STX8: variants seen among roughly 807,000 people sequenced by gnomAD.
The protein encoded by STX8 is syntaxin 8.
STX8 carries 23 observed loss-of-function variants against 37.5 expected under a neutral mutation model. That is an observed-to-expected ratio of 0.61 (90% CI 0.44 to 0.87). STX8 has a LOEUF of 0.87. Among genes scored for constraint, STX8 ranks in the 40% least tolerant of loss-of-function variants. The pLI is 0.00. For synonymous variants in STX8, 115 were observed against 99.1 expected (o/e 1.16, Z -0.95); for missense variants, 313 against 284.7 (o/e 1.10, Z -0.71).
chr17:9,445,290 C>T (rs921853287), intron 6 of STX8, among the ~76,000 whole-genome samples: 2 of 151,752 alleles, frequency 1.3e-5, no homozygotes, highest in African/African-American at 4.8e-5. Context: ...GACCAAGGAA[C>T]ATTTCTTTTT....
chr17:9,437,899 A>T (rs1396608864), intron 6 of STX8: 2 of 152,322 alleles, frequency 1.3e-5, no homozygotes, highest in African/African-American at 2.4e-5. Context: ...TAAGGTAAAA[A>T]GCAGAGCTGG....
chr17:9,412,117 CACAAAT>C (rs1913001830), intron 6 of STX8, among the ~76,000 whole-genome samples: 1 of 152,048 alleles, frequency 6.6e-6, no homozygotes, highest in South Asian at 2.1e-4. Flanking sequence ...TTAAAAAATA[CACAAAT>C]ACATAGTCCA....
chr17:9,481,445 G>C (rs1290158516), intron 6 of STX8, among the ~76,000 whole-genome samples: 1 of 152,114 alleles, frequency 6.6e-6, no homozygotes, highest in African/African-American at 2.4e-5. Flanking sequence ...TAGGGGTGTA[G>C]CATCAGACAA....
chr17:9,269,301 A>G (rs1279037240), intron 7 of STX8, among the ~76,000 whole-genome samples: 2 of 152,162 alleles, frequency 1.3e-5, no homozygotes, highest in Non-Finnish European at 2.9e-5. Context: ...TGATTGGGGT[A>G]CACGTCCTTC....
intron 7 of STX8, among the ~76,000 whole-genome samples, chr17:9,273,633 ACTGT>A (rs1181745612): frequency 5.9e-5 from 9 of 152,246 alleles, no homozygotes; most frequent in African/African-American, 1.9e-4. Flanking sequence ...GCAGGTTAAC[ACTGT>A]CTGACTTTGT....
chr17:9,461,677 G>A (rs183888116), intron 6 of STX8, among the ~76,000 whole-genome samples: 1 of 152,158 alleles, frequency 6.6e-6, no homozygotes, highest in Admixed American at 6.5e-5. Flanking sequence ...ATTTTTACAT[G>A]GACTAGTGGG....
At chr17:9,409,776 A>T (rs1456767589) in intron 6 of STX8, among the ~76,000 whole-genome samples, 1 of 151,072 alleles carries the variant, frequency 6.6e-6, no homozygotes, top group African/African-American at 2.4e-5. Context: ...TAGATCCCTA[A>T]TTGGAAGCAC....
intron 7 of STX8, among the ~76,000 whole-genome samples, chr17:9,320,366 A>G (rs1449146719): frequency 6.6e-6 from 1 of 151,928 alleles, no homozygotes; most frequent in African/African-American, 2.4e-5. Context: ...AAAAGCTAGC[A>G]AATTAAAACA....
intron 6 of STX8, among the ~76,000 whole-genome samples, chr17:9,479,470 G>A (rs1412608814): frequency 2.0e-5 from 3 of 151,558 alleles, no homozygotes; most frequent in African/African-American, 4.8e-5. Flanking sequence ...GGAAGCAGAG[G>A]TTGCAGTGAG....
At chr17:9,548,556 C>T (rs1906639854) in intron 3 of STX8, 1 of 152,168 alleles carries the variant, frequency 6.6e-6, no homozygotes, top group African/African-American at 2.4e-5. Context: ...AGGATGTCCA[C>T]TGAACCATTA....
intron 7 of STX8, 37 bp from the exon 8 acceptor site, chr17:9,250,682 T>C (rs747968610): frequency 6.5e-6 from 10 of 1,549,096 alleles, no homozygotes; most frequent in Non-Finnish European, 7.9e-6. Flanking sequence ...CTTTTAATGA[T>C]TCCTACCAGA....
At chr17:9,468,126 T>G (rs930221766) in intron 6 of STX8, among the ~76,000 whole-genome samples, 2 of 152,212 alleles carry the variant, frequency 1.3e-5, no homozygotes, top group Non-Finnish European at 2.9e-5. Context: ...TGGTTTTTTT[T>G]GAGATGGAGT....
chr17:9,426,594 T>C (rs933450185), intron 6 of STX8, among the ~76,000 whole-genome samples: 2 of 151,994 alleles, frequency 1.3e-5, no homozygotes, highest in Admixed American at 6.6e-5. Flanking sequence ...ACCTTGTCTC[T>C]AGTAAAAATT....
intron 7 of STX8, among the ~76,000 whole-genome samples, chr17:9,374,790 G>A (rs562452912): frequency 1.1e-4 from 16 of 152,098 alleles, no homozygotes; most frequent in South Asian, 4.2e-4. Context: ...GAGGTTGGGC[G>A]CGGTGGCTCA....
chr17:9,313,713 C>T (rs1365482750), intron 7 of STX8, among the ~76,000 whole-genome samples: 1 of 152,206 alleles, frequency 6.6e-6, no homozygotes, highest in East Asian at 1.9e-4. Flanking sequence ...TGCATGCAAC[C>T]TCCACCTCCT....
intron 6 of STX8, among the ~76,000 whole-genome samples, chr17:9,444,332 G>T (rs556784657): frequency 1.3e-5 from 2 of 152,120 alleles, no homozygotes; most frequent in African/African-American, 4.8e-5. Flanking sequence ...AACGCAAAGC[G>T]CATCTGCTAG....
At position 9,400,990 on chromosome 17, in the gene STX8, T is replaced by C. The variant is rs141125492; in HGVS notation, c.542-22337A>G. ...CATGAAATATCTAGACCCGAACTAGTAGAACTCTGCTCTCTTTGAAAAATA... is the reference window on the plus strand; with the variant it reads ...CATGAAATATCTAGACCCGAACTAGCAGAACTCTGCTCTCTTTGAAAAATA... On this transcript the variant is annotated intron_variant, in intron 6 of 7. Coordinates refer to ENST00000306357, the MANE Select transcript of STX8 (RefSeq NM_004853.3). Among the ~76,000 whole-genome samples the C allele has an allele frequency of 2.5e-3, 388 of 152,228 alleles. 3 individuals carry two copies. Among genetic ancestry groups the C allele is most frequent in the African/African-American group, 9.0e-3 (372 of 41,494 alleles).
At chr17:9,333,640 TG>T (rs1313735649) in intron 7 of STX8, among the ~76,000 whole-genome samples, 2 of 152,174 alleles carry the variant, frequency 1.3e-5, no homozygotes, top group African/African-American at 4.8e-5. Flanking sequence ...CCGCCCGCCT[TG>T]GCCTCCCAAA....
chr17:9,441,357 G>A (rs547097756), intron 6 of STX8, among the ~76,000 whole-genome samples: 3 of 151,862 alleles, frequency 2.0e-5, no homozygotes, highest in Middle Eastern at 6.8e-3. Context: ...GTGTGTGGTG[G>A]CATGCACCTG....
Sources: allele counts gnomAD v4.1 joint callset (sites outside exome capture counted in the v4.1 genomes callset), GRCh38; gene constraint gnomAD v4.1.1; transcripts MANE v1.5; gene names NCBI Gene and HGNC (gene_info 2026-07-23, HGNC 2026-07-21).